The following WDR70 variants were observed in gnomAD, a reference collection of about 807,000 sequenced individuals.
WDR70 encodes the protein WD repeat domain 70.
Under a neutral mutation model 88.6 loss-of-function variants are expected in WDR70, and 53 were observed. The observed-to-expected ratio is 0.60, with a 90% CI of 0.48 to 0.75. The LOEUF (loss-of-function observed/expected upper bound fraction) is 0.75, where lower values mean the gene tolerates loss of function less well. WDR70 is among the 30% of genes least tolerant of loss of function. WDR70 has a pLI of 0.00. For synonymous variants in WDR70, 280 were observed against 270.0 expected (o/e 1.04, Z -0.36); for missense variants, 610 against 823.2 (o/e 0.74, Z 3.17).
chr5:37,446,701 A>G (rs887097508), intron 7 of WDR70, among the ~76,000 whole-genome samples: 9 of 152,214 alleles, frequency 5.9e-5, no homozygotes, highest in African/African-American at 1.7e-4. Context: ...AGGATTCCCT[A>G]TTTAATAAAT....
At chr5:37,399,606 G>T (rs542477163) in intron 5 of WDR70, among the ~76,000 whole-genome samples, 38 of 152,086 alleles carry the variant, frequency 2.5e-4, no homozygotes, top group Non-Finnish European at 8.8e-5. Context: ...AACATTTACC[G>T]TTTTAAATTC....
intron 5 of WDR70, among the ~76,000 whole-genome samples, chr5:37,414,288 G>C (rs978744296): frequency 1.3e-5 from 2 of 151,940 alleles, no homozygotes; most frequent in African/African-American, 4.8e-5. Context: ...CCCCTGGCTT[G>C]CTCACTCCTC....
chr5:37,572,877 A>G (rs1742947791), intron 9 of WDR70, among the ~76,000 whole-genome samples: 2 of 152,184 alleles, frequency 1.3e-5, no homozygotes, highest in South Asian at 4.1e-4. Flanking sequence ...CGAAATGTTT[A>G]TTACTTCCCA....
chr5:37,664,281 C>A (rs140371774), intron 10 of WDR70, among the ~76,000 whole-genome samples: 1 of 152,296 alleles, frequency 6.6e-6, no homozygotes, highest in East Asian at 1.9e-4. Flanking sequence ...CAACATTACC[C>A]ACAAGTTGAA....
At chr5:37,494,504 GA>G (rs1740160468) in intron 8 of WDR70, among the ~76,000 whole-genome samples, 1 of 152,166 alleles carries the variant, frequency 6.6e-6, no homozygotes, top group African/African-American at 2.4e-5. Context: ...CTTCATTGTA[GA>G]TTCAACAAAA....
At chr5:37,749,366 C>T (rs1418699176) in intron 17 of WDR70, among the ~76,000 whole-genome samples, 1 of 152,092 alleles carries the variant, frequency 6.6e-6, no homozygotes, top group African/African-American at 2.4e-5. Context: ...AACCAAACGC[C>T]TCATGTTCTC....
chr5:37,456,401 G>A (rs1011360019), intron 7 of WDR70, among the ~76,000 whole-genome samples: 15 of 152,036 alleles, frequency 9.9e-5, no homozygotes, highest in East Asian at 1.9e-4. Context: ...AAAAACTTTC[G>A]CCCATTTTAA....
chr5:37,728,376 AC>A (rs368808185), intron 17 of WDR70, among the ~76,000 whole-genome samples: 108 of 139,450 alleles, frequency 7.7e-4, no homozygotes, highest in Middle Eastern at 7.3e-3. Flanking sequence ...AAAAAAAAAA[AC>A]AAACTAAAAC....
At chr5:37,639,088 T>G (rs906174175) in intron 10 of WDR70, among the ~76,000 whole-genome samples, 4 of 151,850 alleles carry the variant, frequency 2.6e-5, no homozygotes, top group African/African-American at 9.7e-5. Flanking sequence ...AAACCCAGAG[T>G]GAGTATTTAT....
chr5:37,605,031 TA>T (rs760817580), intron 9 of WDR70, 32 bp from the exon 10 acceptor site: 9 of 1,493,852 alleles, frequency 6.0e-6, no homozygotes, highest in Middle Eastern at 2.0e-4. Flanking sequence ...TTTTTTTTTT[TA>T]AATAAATGAA....
chr5:37,515,549 A>T (rs1233770376), intron 8 of WDR70, among the ~76,000 whole-genome samples: 2 of 152,210 alleles, frequency 1.3e-5, no homozygotes, highest in Admixed American at 6.5e-5. Flanking sequence ...GTAAACATGA[A>T]CAGAATGTCA....
chr5:37,582,024 TTTA>T (rs1472047996), intron 9 of WDR70, among the ~76,000 whole-genome samples: 28 of 152,316 alleles, frequency 1.8e-4, no homozygotes, highest in Middle Eastern at 3.4e-3. Flanking sequence ...AAAAAAAATC[TTTA>T]GTAGTACCTG....
At chr5:37,663,466 G>T (rs1210150481) in intron 10 of WDR70, among the ~76,000 whole-genome samples, 2 of 151,968 alleles carry the variant, frequency 1.3e-5, no homozygotes, top group African/African-American at 4.8e-5. Flanking sequence ...CCACAGTTTT[G>T]CAGGGTAGTG....
At chr5:37,684,267 C>G (rs778652149) in intron 10 of WDR70, among the ~76,000 whole-genome samples, 6 of 152,042 alleles carry the variant, frequency 3.9e-5, no homozygotes, top group Non-Finnish European at 8.8e-5. Flanking sequence ...GATCTTTGTT[C>G]CTATCTATAT....
intron 7 of WDR70, among the ~76,000 whole-genome samples, chr5:37,468,371 C>G (rs1739226671): frequency 6.6e-6 from 1 of 152,102 alleles, no homozygotes; most frequent in African/African-American, 2.4e-5. Flanking sequence ...CTAACAATTA[C>G]AAATATATTT....
chr5:37,417,144 A>G (rs888759061), intron 5 of WDR70, among the ~76,000 whole-genome samples: 2 of 152,200 alleles, frequency 1.3e-5, no homozygotes, highest in African/African-American at 4.8e-5. Flanking sequence ...AAGATAATCC[A>G]AAGCATACTT....
At chr5:37,701,745 C>T (rs2112659528) in intron 12 of WDR70, among the ~76,000 whole-genome samples, 1 of 148,702 alleles carries the variant, frequency 6.7e-6, no homozygotes, top group African/African-American at 2.5e-5. Flanking sequence ...AAGATTGCGC[C>T]ACTGCACTCC....
At chr5:37,581,080 A>T (rs866443827) in intron 9 of WDR70, among the ~76,000 whole-genome samples, 1 of 152,342 alleles carries the variant, frequency 6.6e-6, no homozygotes, top group East Asian at 1.9e-4. Context: ...AGACATATTC[A>T]GTTAAGCCTC....
chr5:37,515,538 C>T (rs557311500), intron 8 of WDR70, among the ~76,000 whole-genome samples: 2 of 152,240 alleles, frequency 1.3e-5, no homozygotes, highest in South Asian at 4.2e-4. Flanking sequence ...ATTTGTATTC[C>T]GTAAACATGA....
Sources: gnomAD v4.1 joint callset for allele counts (sites outside exome capture counted in the v4.1 genomes callset) on GRCh38, gnomAD v4.1.1 for gene constraint, MANE v1.5 for transcripts, NCBI Gene and HGNC (gene_info 2026-07-23, HGNC 2026-07-21) for gene names.